The following DDX60 variants were observed in gnomAD, a reference collection of about 807,000 sequenced individuals.
The protein encoded by DDX60 is DExD/H-box helicase 60.
In DDX60, 165 loss-of-function variants were observed where a neutral mutation model predicts 212.8. The observed-to-expected ratio is 0.78, with a 90% confidence interval of 0.68 to 0.88. The LOEUF is 0.88. Ranked by LOEUF, DDX60 falls within the 40% of genes least tolerant of loss-of-function variation. DDX60 has a pLI of 0.00. For synonymous variants in DDX60, 703 were observed against 685.3 expected (o/e 1.03, Z -0.40); for missense variants, 1,905 against 2,003.9 (o/e 0.95, Z 0.94).
At chr4:168,252,486 A>G in intron 27 of DDX60, 23 bp downstream of exon 27, 2 of 1,612,068 alleles carry the variant, frequency 1.2e-6, no homozygotes, top group Non-Finnish European at 1.7e-6. Context: ...AGTTTGGAGA[A>G]CGATCAGGTT....
intron 32 of DDX60, 111 bp from the exon 33 acceptor site, chr4:168,236,484 G>T: frequency 1.1e-6 from 1 of 932,094 alleles, no homozygotes; most frequent in Non-Finnish European, 1.5e-6. Flanking sequence ...AAAAATTTAT[G>T]ACAAACATAG....
intron 19 of DDX60, among the ~76,000 whole-genome samples, chr4:168,270,584 A>G (rs1265771042): frequency 6.6e-6 from 1 of 152,228 alleles, no homozygotes; most frequent in Non-Finnish European, 1.5e-5. Context: ...TTTTAATTCA[A>G]AGTTCTAGAT....
upstream of DDX60, among the ~76,000 whole-genome samples, chr4:168,320,429 G>A (rs1460108674): frequency 6.6e-6 from 1 of 152,082 alleles, no homozygotes; most frequent in African/African-American, 2.4e-5. Flanking sequence ...AAGGAGTCTG[G>A]TGGTCTCTAG....
chr4:168,307,935 T>C, intron 4 of DDX60, 71 bp downstream of exon 4: 2 of 856,326 alleles, frequency 2.3e-6, no homozygotes, highest in East Asian at 3.5e-5. Context: ...AAGAAAAATA[T>C]ATATATAATA....
intron 27 of DDX60, 85 bp from the exon 28 acceptor site, chr4:168,251,191 G>A: frequency 7.6e-7 from 1 of 1,311,630 alleles, no homozygotes; most frequent in Non-Finnish European, 1.0e-6. Flanking sequence ...TGCATACTAT[G>A]TAATAATTTG....
intron 30 of DDX60, among the ~76,000 whole-genome samples, chr4:168,239,266 G>GGTAGATAGATGATTGATAGAT (rs1733749980): frequency 6.6e-6 from 1 of 151,962 alleles, no homozygotes; most frequent in Non-Finnish European, 1.5e-5. Context: ...ATAGATGATA[G>GGTAGATAGATGATTGATAGAT]GTAGATAGAT....
intron 19 of DDX60, among the ~76,000 whole-genome samples, chr4:168,270,229 G>A (rs1395300121): frequency 6.6e-6 from 1 of 152,198 alleles, no homozygotes; most frequent in African/African-American, 2.4e-5. Flanking sequence ...ATGAACGGAT[G>A]AGCAAATCAA....
At chr4:168,272,937 T>C (rs1735166873) in intron 18 of DDX60, among the ~76,000 whole-genome samples, 1 of 152,348 alleles carries the variant, frequency 6.6e-6, no homozygotes, top group East Asian at 1.9e-4. Flanking sequence ...CCTTAATAGA[T>C]ACTTATGAAG....
chr4:168,320,677 A>C (rs960696467), upstream of DDX60, among the ~76,000 whole-genome samples: 1 of 152,254 alleles, frequency 6.6e-6, no homozygotes, highest in Non-Finnish European at 1.5e-5. Context: ...ATTTGCAAAC[A>C]GCAGAAATAA....
chr4:168,299,408 C>A (rs184617893), intron 6 of DDX60, among the ~76,000 whole-genome samples: 1 of 150,602 alleles, frequency 6.6e-6, no homozygotes, highest in East Asian at 2.0e-4. Flanking sequence ...AAGTTCCCAG[C>A]CCCCCCAAAA....
At chr4:168,226,182 T>G (rs1247088992) in intron 33 of DDX60, among the ~76,000 whole-genome samples, 6 of 152,108 alleles carry the variant, frequency 3.9e-5, no homozygotes, top group Admixed American at 2.6e-4. Context: ...TCTAGTCAGG[T>G]TTTGGTATTA....
In DDX60 at chr4:168,284,837, G is replaced by A. The variant is rs1029134212; in HGVS notation, c.1544C>T (p.Ser515Phe). Residue 515 changes from serine to phenylalanine, a missense_variant, in exon 12 of 38, where the codon TCC becomes TTC. Transcript: ENST00000393743. ...HKPLSDDYDR[S>F]RCQFDEKSRD... is the part of the protein sequence containing the mutation. Reference sequence around the variant, plus strand: ...GAGCTTACCATCAAACTGACACCTGGACCTGTCATAATCATCACTCAGGGG... The same window carrying A: ...GAGCTTACCATCAAACTGACACCTGAACCTGTCATAATCATCACTCAGGGG... The A allele has an allele frequency of 1.9e-6, 3 of 1,553,190 alleles. No individual in the cohort carries two copies. The highest frequency in any genetic ancestry group is 1.8e-5 in the Admixed American group (1 of 56,872).
At position 168,262,070 on chromosome 4, in the gene DDX60, T is replaced by A. The variant is rs374303354; in HGVS notation, c.3203A>T (p.Asp1068Val). The A allele has an allele frequency of 4.0e-5, 64 of 1,602,498 alleles. No individual in the cohort carries two copies. The highest frequency in any genetic ancestry group is 6.7e-5 in the African/African-American group (5 of 74,244). The change falls in exon 24 of 38, where the codon GAT (aspartate) becomes GTT (valine). Residue 1068 changes from aspartate to valine, a missense_variant. Transcript: ENST00000393743. ...TAGACTCTCTTCATATTTCCTAGCA[T>A]CCATCTTTTTAATGACTAATTTATT... ...FNNKLVIKKM[D>V]ARKYEESLKA... is the part of the protein sequence containing the mutation.
chr4:168,303,719 C>T (rs539927603), intron 5 of DDX60, among the ~76,000 whole-genome samples: 31 of 152,290 alleles, frequency 2.0e-4, no homozygotes, highest in African/African-American at 6.0e-4. Context: ...CGTGGTGGCT[C>T]ACGTCTGTAA....
At chr4:168,246,380 G>A (rs374701978) in intron 30 of DDX60, 38 bp downstream of exon 30, 6 of 1,611,664 alleles carry the variant, frequency 3.7e-6, no homozygotes, top group Non-Finnish European at 5.1e-6. Context: ...TCAGGCCAGT[G>A]ATGAAGACTG....
chr4:168,310,076 T>TGTCCC (rs909934245), intron 3 of DDX60, among the ~76,000 whole-genome samples: 1 of 152,220 alleles, frequency 6.6e-6, no homozygotes, highest in African/African-American at 2.4e-5. Context: ...ATTGATACTT[T>TGTCCC]GTCCCTGAAA....
At chr4:168,309,867 C>T (rs1287691135) in intron 3 of DDX60, among the ~76,000 whole-genome samples, 1 of 151,986 alleles carries the variant, frequency 6.6e-6, no homozygotes, top group East Asian at 1.9e-4. Context: ...AAAGTGAGCA[C>T]CAGGATTTAG....
intron 8 of DDX60, among the ~76,000 whole-genome samples, chr4:168,290,616 A>G (rs1036846493): frequency 6.6e-6 from 1 of 151,904 alleles, no homozygotes; most frequent in Non-Finnish European, 1.5e-5. Flanking sequence ...TTGGCCTCCG[A>G]AAGTTCTGGG....
At chr4:168,314,128 C>T (rs1335811485) in intron 1 of DDX60, among the ~76,000 whole-genome samples, 6 of 152,116 alleles carry the variant, frequency 3.9e-5, no homozygotes, top group East Asian at 3.9e-4. Flanking sequence ...ATGCCCTATA[C>T]TAAAGTAGGC....
Sources: gnomAD v4.1 joint callset for allele counts (sites outside exome capture counted in the v4.1 genomes callset) on GRCh38, gnomAD v4.1.1 for gene constraint, MANE v1.5 for transcripts, NCBI Gene and HGNC (gene_info 2026-07-23, HGNC 2026-07-21) for gene names.